TDRD12: variants seen among roughly 807,000 people sequenced by gnomAD.
TDRD12 encodes putative ATP-dependent RNA helicase TDRD12.
In TDRD12, 158 loss-of-function variants were observed where a neutral mutation model predicts 133.5. That is an observed-to-expected ratio of 1.18 (90% CI 1.04 to 1.35). The LOEUF (loss-of-function observed/expected upper bound fraction) is 1.35. Ranked by LOEUF, TDRD12 falls within the 40% of genes most tolerant of loss-of-function variation. TDRD12 has a pLI of 0.00. For synonymous variants in TDRD12, 460 were observed against 477.9 expected, an observed-to-expected ratio of 0.96 and a Z score of 0.49; for missense variants, 1,443 against 1,321.3, an observed-to-expected ratio of 1.09 and a Z score of -1.43.
At chr19:32,783,628 C>T (rs764503723) in intron 11 of TDRD12, among the ~76,000 whole-genome samples, 3 of 152,142 alleles carry the variant, frequency 2.0e-5, no homozygotes, top group Non-Finnish European at 4.4e-5. Context: ...TTTGTGTCCT[C>T]TCTTATTTTC....
chr19:32,741,994 A>C (rs1166029819), intron 3 of TDRD12, among the ~76,000 whole-genome samples: 1 of 152,196 alleles, frequency 6.6e-6, no homozygotes, highest in African/African-American at 2.4e-5. Context: ...CTTTTGTGCA[A>C]AGTTGGCAAA....
intron 4 of TDRD12, among the ~76,000 whole-genome samples, chr19:32,746,647 T>C (rs1969643807): frequency 7.0e-6 from 1 of 143,560 alleles, no homozygotes; most frequent in Non-Finnish European, 1.5e-5. Context: ...ATGTGGTTAT[T>C]CTGTGTGTGA....
intron 11 of TDRD12, among the ~76,000 whole-genome samples, chr19:32,777,959 C>T (rs1970656658): frequency 7.0e-6 from 1 of 142,470 alleles, no homozygotes; most frequent in Non-Finnish European, 1.5e-5. Context: ...GATTCTCCTA[C>T]CTCTGCCTTT....
intron 12 of TDRD12, 131 bp downstream of exon 12, chr19:32,790,722 A>T (rs1388022726): frequency 1.3e-6 from 2 of 1,545,512 alleles, no homozygotes; most frequent in Non-Finnish European, 1.7e-6. Context: ...TAACCTGAAG[A>T]CATCCTTTTA....
At chr19:32,737,059 G>A (rs912816219) in intron 2 of TDRD12, among the ~76,000 whole-genome samples, 2 of 152,130 alleles carry the variant, frequency 1.3e-5, no homozygotes, top group Non-Finnish European at 2.9e-5. Flanking sequence ...AGCCTATTTT[G>A]TAGTAAAGTT....
intron 8 of TDRD12, among the ~76,000 whole-genome samples, chr19:32,764,883 C>T (rs540378247): frequency 2.2e-4 from 34 of 151,592 alleles, no homozygotes; most frequent in Middle Eastern, 3.2e-3. Context: ...CCAAAATTGA[C>T]AAATGGGATC....
intron 8 of TDRD12, among the ~76,000 whole-genome samples, chr19:32,768,850 A>G (rs1359746095): frequency 6.6e-6 from 1 of 152,122 alleles, no homozygotes; most frequent in Non-Finnish European, 1.5e-5. Context: ...CCTTTTGGCA[A>G]TTCGTCTGTT....
chr19:32,757,529 T>G (rs1970031002), intron 8 of TDRD12, among the ~76,000 whole-genome samples: 1 of 152,172 alleles, frequency 6.6e-6, no homozygotes, highest in Non-Finnish European at 1.5e-5. Context: ...TTCAAGATAT[T>G]TAATGAATTG....
intron 1 of TDRD12, among the ~76,000 whole-genome samples, chr19:32,725,991 A>AT (rs1968845809): frequency 6.6e-6 from 1 of 152,078 alleles, no homozygotes; most frequent in East Asian, 1.9e-4. Context: ...TCTGGCATAT[A>AT]TTATATATTT....
chr19:32,725,186 TCTG>T (rs988510596), intron 1 of TDRD12, among the ~76,000 whole-genome samples: 1 of 152,212 alleles, frequency 6.6e-6, no homozygotes, highest in African/African-American at 2.4e-5. Context: ...GATAGTTTCT[TCTG>T]CTGTGCAGAA....
chr19:32,800,731 A>T, exon 18 of TDRD12: 1 of 1,535,788 alleles, frequency 6.5e-7, no homozygotes, highest in Non-Finnish European at 8.7e-7. Context: ...AAAGACCTTG[A>T]TCTTCACCTG....
intron 13 of TDRD12, among the ~76,000 whole-genome samples, chr19:32,792,235 G>C (rs1971093595): frequency 6.6e-6 from 1 of 151,192 alleles, no homozygotes; most frequent in South Asian, 2.1e-4. Flanking sequence ...AATAGAGCAA[G>C]ACTCCGTCTC....
intron 2 of TDRD12, among the ~76,000 whole-genome samples, chr19:32,737,439 A>C (rs747340485): frequency 2.0e-5 from 3 of 152,156 alleles, no homozygotes; most frequent in Non-Finnish European, 4.4e-5. Flanking sequence ...TCCTGAGCTC[A>C]GGTGATCCAC....
intron 4 of TDRD12, among the ~76,000 whole-genome samples, chr19:32,746,535 ACGGG>A (rs1427715189): frequency 3.5e-5 from 5 of 140,982 alleles, no homozygotes; most frequent in South Asian, 2.4e-4. Context: ...TGTGACAGAG[ACGGG>A]GAGAGAGACT....
chr19:32,777,008 C>T, intron 10 of TDRD12, 141 bp from the exon 11 acceptor site: 1 of 577,018 alleles, frequency 1.7e-6, no homozygotes, highest in Non-Finnish European at 3.0e-6. Context: ...CCCACCTTGG[C>T]CTCCCGAGTT....
intron 6 of TDRD12, among the ~76,000 whole-genome samples, chr19:32,752,183 A>C (rs1969850188): frequency 7.1e-6 from 1 of 140,376 alleles, no homozygotes; most frequent in East Asian, 2.1e-4. Context: ...CCCCTTCTTC[A>C]TTTTTTCTTT....
At chr19:32,750,430 TTTTTTAAAAATTGTA>T (rs1405887280) in intron 6 of TDRD12, among the ~76,000 whole-genome samples, 2 of 152,170 alleles carry the variant, frequency 1.3e-5, no homozygotes, top group African/African-American at 2.4e-5. Flanking sequence ...TAACCATGGA[TTTTTTAAAAATTGTA>T]TTTTGAAATA....
intron 21 of TDRD12, among the ~76,000 whole-genome samples, chr19:32,804,737 A>T (rs1477444461): frequency 1.3e-5 from 2 of 151,456 alleles, no homozygotes; most frequent in African/African-American, 4.9e-5. Flanking sequence ...ACACACCTGT[A>T]ATCAGTTACA....
At chr19:32,792,660 A>G (rs1273400394) in intron 13 of TDRD12, among the ~76,000 whole-genome samples, 1 of 152,226 alleles carries the variant, frequency 6.6e-6, no homozygotes, top group Non-Finnish European at 1.5e-5. Flanking sequence ...CATTTTCTGA[A>G]GATTAACATA....
Sources: gnomAD v4.1 joint callset for allele counts (sites outside exome capture counted in the v4.1 genomes callset) on GRCh38, gnomAD v4.1.1 for gene constraint, MANE v1.5 for transcripts, NCBI Gene and HGNC (gene_info 2026-07-23, HGNC 2026-07-21) for gene names.